The following KIAA0232 variants were observed in gnomAD, a reference collection of about 807,000 sequenced individuals.
KIAA0232 encodes the protein KIAA0232.
In KIAA0232, 27 loss-of-function variants were observed where a neutral mutation model predicts 122.0. That is an observed-to-expected ratio of 0.22 (90% CI 0.16 to 0.31). The LOEUF (loss-of-function observed/expected upper bound fraction) is 0.31, where lower values mean the gene tolerates loss of function less well. KIAA0232 is among the 10% of genes least tolerant of loss of function. The pLI is 1.00. For missense variants in KIAA0232, 1,551 were observed against 1,634.2 expected, an observed-to-expected ratio of 0.95 and a Z score of 0.88; for synonymous variants, 613 against 587.6, an observed-to-expected ratio of 1.04 and a Z score of -0.63.
intron 1 of KIAA0232, among the ~76,000 whole-genome samples, chr4:6,801,197 G>T (rs917439629): frequency 3.3e-5 from 5 of 152,148 alleles, no homozygotes. Context: ...GCTACATGGG[G>T]CTATTAACAC....
rs1428737825 is a variant in KIAA0232 at position 6,884,073 on chromosome 4, G to A, written c.*3107G>A. The A allele has an allele frequency of 6.6e-6, 1 of 152,030 alleles. No individual in the cohort carries two copies. Among genetic ancestry groups the A allele is most frequent in the Non-Finnish European group, 1.5e-5 (1 of 68,016 alleles). The allele number at this position is 152,030 out of a possible 1,614,324, so 9.4% of individuals were successfully genotyped here. A position where few individuals can be genotyped will look rare whatever the true frequency, so the allele number is the denominator to read the frequency against. On this transcript the variant is annotated 3_prime_UTR_variant, in exon 10 of 10. Coordinates refer to ENST00000307659, the MANE Select transcript of KIAA0232 (RefSeq NM_014743.3). ...GTTGTTTATTCAGTATCTGAATAAC[G>A]TTTCTATGGACATCTGTAAACATGT... is the stretch of plus-strand genomic sequence containing the variant.
chr4:6,855,820 C>T lies in KIAA0232; in HGVS notation c.370-1344C>T, dbSNP rs762547106. ...CTGTACAGAACAGTATGCAGTGTGT[C>T]AGCTGACACTGGTGTTGGTTTCACG... is the stretch of plus-strand genomic sequence containing the variant. On this transcript the variant is annotated intron_variant, in intron 4 of 9. Transcript: ENST00000307659. The surrounding 1 kb of genome is among the most constrained non-coding windows in gnomAD (Gnocchi z 4.3). The T allele has an allele frequency of 3.6e-5, 35 of 984,710 alleles. No homozygotes were observed. Among genetic ancestry groups the T allele is most frequent in the Non-Finnish European group, 3.9e-5 (32 of 829,432 alleles). The allele number at this position is 984,710 out of a possible 1,614,324, so 61.0% of individuals were successfully genotyped here.
At position 6,860,993 on chromosome 4, in the gene KIAA0232, C is replaced by G; in HGVS notation, c.611C>G (p.Ser204Cys). Residue 204 changes from serine to cysteine, a missense_variant, in exon 7 of 10, where the codon TCT becomes TGT. Physicochemically the swap from Ser to Cys is moderately radical, Grantham distance 112. This residue lies in a region of KIAA0232 where 377 missense variants were observed against 381.7 expected (regional missense o/e 0.99). Transcript: ENST00000307659. ...VWNKSKVCSY[S>C]SSSSSSTAPP... ...AACAAGTCTAAAGTCTGTTCTTACT[C>G]TAGCTCTTCTTCATCATCCACAGCC... 1.2e-6 allele frequency: 2 copies of G among 1,614,156 alleles called. No homozygotes were observed. Among genetic ancestry groups the G allele is most frequent in the Non-Finnish European group, 1.7e-6 (2 of 1,180,014 alleles).
rs141766161 is a variant in KIAA0232 at position 6,784,365 on chromosome 4, A to G, written c.-354+1524A>G. On this transcript the variant is annotated intron_variant, in intron 1 of 9. Transcript: ENST00000307659. Reference sequence around the variant, plus strand: ...AAAATGCCCAAGCTAGATTCTTCCTATGCAAAATAAGACCCGTTCCAGAAC... The same window carrying G: ...AAAATGCCCAAGCTAGATTCTTCCTGTGCAAAATAAGACCCGTTCCAGAAC... Among the ~76,000 whole-genome samples the G allele has an allele frequency of 2.2e-3, 334 of 151,278 alleles. 1 individual carries two copies. Among genetic ancestry groups the G allele is most frequent in the South Asian group, 0.015 (73 of 4,792 alleles).
chr4:6,824,545 C>A lies in KIAA0232; in HGVS notation c.92C>A (p.Ser31Tyr), dbSNP rs760154419. The A allele has an allele frequency of 6.2e-7, 1 of 1,614,226 alleles. No individual in the cohort carries two copies. Among genetic ancestry groups the A allele is most frequent in the South Asian group, 1.1e-5 (1 of 91,092 alleles). Residue 31 changes from serine to tyrosine, a missense_variant, in exon 3 of 10, where the codon TCT (serine) becomes TAT (tyrosine). This residue lies in a region of KIAA0232 where 26 missense variants were observed against 52.2 expected (regional missense o/e 0.50). Coordinates refer to ENST00000307659, the MANE Select transcript of KIAA0232 (RefSeq NM_014743.3). ...GGCCCTGTGTCTGTTTCTGAAATGT[C>A]TCTGCTTCATGCTTTGGGTCCAGTG... is the stretch of plus-strand genomic sequence containing the variant. ...YPGPVSVSEMSLLHALGPVQT... is the reference protein window; with the variant it reads ...YPGPVSVSEMYLLHALGPVQT...
intron 7 of KIAA0232, among the ~76,000 whole-genome samples, chr4:6,868,186 A>C (rs1163900122): frequency 6.6e-6 from 1 of 152,170 alleles, no homozygotes; most frequent in African/African-American, 2.4e-5. Flanking sequence ...CCACCTTCTA[A>C]AGAATTTCTC....
At chr4:6,789,571 C>T (rs1716793916) in intron 1 of KIAA0232, among the ~76,000 whole-genome samples, 1 of 152,160 alleles carries the variant, frequency 6.6e-6, no homozygotes, top group South Asian at 2.1e-4. Flanking sequence ...CGTGCCTGGC[C>T]AGTCATCTCA....
In KIAA0232 at chr4:6,822,981, A is replaced by G. The variant is rs886716411; in HGVS notation, c.-269-1204A>G. Among the ~76,000 whole-genome samples, 235 of 136,580 alleles carry G rather than the reference A, an allele frequency of 1.7e-3. 1 individual carries two copies. Among genetic ancestry groups the G allele is most frequent in the African/African-American group, 6.2e-3 (223 of 36,150 alleles). The allele number at this position is 136,580 out of a possible 152,430, so 89.6% of individuals were successfully genotyped here. On this transcript the variant is annotated intron_variant, in intron 2 of 9. Coordinates refer to ENST00000307659, the MANE Select transcript of KIAA0232 (RefSeq NM_014743.3). ...GTGTGATGTGCCCCTTCCTGTGTCC[A>G]TGTGTTCTCATTGTTCAATTCCCAC... is the stretch of plus-strand genomic sequence containing the variant.
intron 8 of KIAA0232, among the ~76,000 whole-genome samples, chr4:6,874,074 C>G (rs187301386): frequency 6.6e-6 from 1 of 152,230 alleles, no homozygotes; most frequent in Non-Finnish European, 1.5e-5. Context: ...GGCGAGGAAA[C>G]AGGCTCAGAA....
chr4:6,830,819 G>A (rs550449557), intron 3 of KIAA0232, among the ~76,000 whole-genome samples: 5 of 151,980 alleles, frequency 3.3e-5, no homozygotes, highest in Admixed American at 6.6e-5. Flanking sequence ...ATCCTAATAG[G>A]TCATCTTTGC....
intron 3 of KIAA0232, among the ~76,000 whole-genome samples, chr4:6,831,428 C>T (rs556778818): frequency 4.9e-4 from 75 of 152,306 alleles, no homozygotes; most frequent in African/African-American, 1.7e-3. Context: ...ATGGCCCCTC[C>T]ATCTGAGTGA....
chr4:6,849,345 G>T (rs570665614), intron 4 of KIAA0232, among the ~76,000 whole-genome samples: 1 of 152,198 alleles, frequency 6.6e-6, no homozygotes, highest in South Asian at 2.1e-4. Context: ...TTCCTGGCCC[G>T]GCACAGTGGC....
chr4:6,818,306 CAG>C (rs754280250), intron 2 of KIAA0232, among the ~76,000 whole-genome samples: 1 of 148,898 alleles, frequency 6.7e-6, no homozygotes. Flanking sequence ...GAGGCCGAGG[CAG>C]AGAATTTTTA....
intron 4 of KIAA0232, among the ~76,000 whole-genome samples, chr4:6,854,595 G>T (rs760624082): frequency 7.2e-5 from 11 of 152,152 alleles, no homozygotes; most frequent in Non-Finnish European, 1.6e-4. Flanking sequence ...TATGTGGCTC[G>T]CCACTTTGCA....
chr4:6,848,447 A>G (rs1397065211), intron 4 of KIAA0232, among the ~76,000 whole-genome samples: 6 of 152,220 alleles, frequency 3.9e-5, no homozygotes, highest in Non-Finnish European at 2.9e-5. Flanking sequence ...CTGAACACAT[A>G]CAGACTTTTT....
At chr4:6,864,822 A>G (rs1721086985) in intron 7 of KIAA0232, among the ~76,000 whole-genome samples, 1 of 152,216 alleles carries the variant, frequency 6.6e-6, no homozygotes, top group Middle Eastern at 3.4e-3. Flanking sequence ...AAAGTTGATG[A>G]ATCAGGAAGT....
intron 3 of KIAA0232, among the ~76,000 whole-genome samples, chr4:6,825,603 G>A (rs1470885760): frequency 1.3e-5 from 2 of 151,908 alleles, no homozygotes; most frequent in Admixed American, 6.6e-5. Context: ...GAAAGAGAAA[G>A]CAAGAGAAAC....
At chr4:6,802,826 A>G (rs1717445063) in intron 1 of KIAA0232, among the ~76,000 whole-genome samples, 3 of 152,186 alleles carry the variant, frequency 2.0e-5, no homozygotes, top group East Asian at 1.9e-4. Context: ...AAGGAAGGAA[A>G]AAATGACAGA....
At chr4:6,801,727 C>T (rs1446506439) in intron 1 of KIAA0232, among the ~76,000 whole-genome samples, 2 of 151,524 alleles carry the variant, frequency 1.3e-5, no homozygotes, top group Non-Finnish European at 2.9e-5. Context: ...GTGCTTAGGA[C>T]TTTAATTAGC....
Sources: allele counts gnomAD v4.1 joint callset (sites outside exome capture counted in the v4.1 genomes callset), GRCh38; gene constraint gnomAD v4.1.1; regional missense constraint gnomAD v4.1.1; non-coding constraint Gnocchi (gnomAD v3.1); transcripts MANE v1.5; gene names NCBI Gene and HGNC (gene_info 2026-07-23, HGNC 2026-07-21).